ZNF516: variants seen among roughly 807,000 people sequenced by gnomAD.
ZNF516 encodes zinc finger protein 516.
ZNF516 carries 19 observed loss-of-function variants against 79.7 expected under a neutral mutation model. The ratio of observed to expected loss-of-function variants is 0.24; its 90% CI spans 0.17 to 0.35. The LOEUF is 0.35. ZNF516 is among the 10% of genes least tolerant of loss of function. The pLI is 1.00. For synonymous variants in ZNF516, 877 were observed against 739.5 expected (o/e 1.19, Z -3.02); for missense variants, 1,678 against 1,679.5 (o/e 1.00, Z 0.02).
At chr18:76,381,387 A>C (rs1028102636) in intron 3 of ZNF516, among the ~76,000 whole-genome samples, 3 of 152,116 alleles carry the variant, frequency 2.0e-5, no homozygotes, top group African/African-American at 2.4e-5. Flanking sequence ...ATTCTTCACC[A>C]CCCAGCCGCC....
At chr18:76,416,639 T>A (rs1249556159) in intron 3 of ZNF516, among the ~76,000 whole-genome samples, 1 of 152,222 alleles carries the variant, frequency 6.6e-6, no homozygotes. Context: ...CATCTCTGAA[T>A]AGTCAATGTG....
intron 3 of ZNF516, among the ~76,000 whole-genome samples, chr18:76,431,700 G>A (rs1259396354): frequency 6.6e-6 from 1 of 152,084 alleles, no homozygotes; most frequent in Non-Finnish European, 1.5e-5. Flanking sequence ...TCTCTCTCTT[G>A]CTCCCGCTCT....
intron 1 of ZNF516, among the ~76,000 whole-genome samples, chr18:76,480,550 T>C (rs892565455): frequency 2.1e-5 from 3 of 145,106 alleles, no homozygotes; most frequent in African/African-American, 7.7e-5. Flanking sequence ...TGAGACGGAG[T>C]CTTGCTCTGT....
intron 3 of ZNF516, among the ~76,000 whole-genome samples, chr18:76,422,062 A>C (rs774473184): frequency 6.6e-6 from 1 of 152,268 alleles, no homozygotes; most frequent in African/African-American, 2.4e-5. Flanking sequence ...TACATGAGCA[A>C]GTGAAGGTAA....
At chr18:76,388,291 CTGGT>C (rs2075021761) in intron 3 of ZNF516, 1 of 152,250 alleles carries the variant, frequency 6.6e-6, no homozygotes, top group South Asian at 2.1e-4. Context: ...CTCCACTGAG[CTGGT>C]TGAACACTTA....
Position 76,380,197 on chromosome 18 carries a change from G to A in ZNF516, c.1917C>T (p.Thr639=), listed in dbSNP as rs755032521. Residue 639 remains threonine (T), a synonymous_variant, in exon 4 of 7, where the codon ACC becomes ACT. Transcript: ENST00000443185. ...CTGCGATCCCTGCCTTGGACTCGCC[G>A]GTGTCTCTTTCCGAGGCGTTATCTC... ...KMGDNASERD[T]GESKAGIAAS... 5.3e-5 allele frequency: 85 copies of A among 1,613,808 alleles called. No homozygotes were observed. Among genetic ancestry groups the A allele is most frequent in the Middle Eastern group, 1.6e-4 (1 of 6,084 alleles).
intron 1 of ZNF516, among the ~76,000 whole-genome samples, chr18:76,463,420 G>A (rs560269848): frequency 2.0e-5 from 3 of 152,328 alleles, no homozygotes; most frequent in South Asian, 2.1e-4. Context: ...CCAGGACGCC[G>A]CCTAACTGTA....
intron 3 of ZNF516, among the ~76,000 whole-genome samples, chr18:76,418,186 T>C (rs974365098): frequency 2.6e-5 from 4 of 151,400 alleles, no homozygotes; most frequent in African/African-American, 9.8e-5. Flanking sequence ...CTGCAACACA[T>C]GCTATAACAC....
rs778326139 is a variant in ZNF516, at chr18:76,380,138, T to C, written c.1976A>G (p.Glu659Gly). 6.2e-7 allele frequency: 1 copy of C among 1,613,878 alleles called. No homozygotes were observed. The highest frequency in any genetic ancestry group is 2.2e-5 in the East Asian group (1 of 44,874). ...SVSILENSSR[E>G]TSRRQEQHRF... ...GTGCTGCTCTTGCCTTCTAGAAGTC[T>C]CTCTGCTACTGTTTTCAAGTATGGA... is the stretch of plus-strand genomic sequence containing the variant. Residue 659 changes from glutamate (E) to glycine (G), a missense_variant, in exon 4 of 7, where the codon GAG (glutamate) becomes GGG (glycine). Physicochemically the swap from Glu to Gly is moderately conservative, Grantham distance 98. Around this residue, in one of 5 missense-constraint regions of ZNF516, gnomAD observed 1,294 missense variants for 1,248.3 expected, o/e 1.04. Transcript: ENST00000443185.
intron 3 of ZNF516, among the ~76,000 whole-genome samples, chr18:76,414,433 A>T (rs897913590): frequency 6.6e-6 from 1 of 152,248 alleles, no homozygotes. Context: ...TCACAGAACA[A>T]ATGCCCTCTG....
rs1437210238 is a variant in ZNF516 at position 76,459,090 on chromosome 18, G to A, written c.-158+3938C>T. Among the ~76,000 whole-genome samples the A allele has an allele frequency of 1.3e-5, 2 of 152,226 alleles. No homozygotes were observed. The highest frequency in any genetic ancestry group is 2.9e-5 in the Non-Finnish European group (2 of 68,030). The stretch of plus-strand genomic sequence containing the variant: ...ACCCTACCTGGAGGCAAACACGCAT[G>A]TCCACTTCCAACAATCTACCAGCAA... On this transcript the variant is annotated intron_variant, in intron 2 of 6. Transcript: ENST00000443185. This position sits in a 1 kb window ranked among gnomAD's most constrained non-coding sequence, Gnocchi z 5.0.
At chr18:76,445,268 A>AC (rs1417253224) in intron 2 of ZNF516, among the ~76,000 whole-genome samples, 9 of 151,782 alleles carry the variant, frequency 5.9e-5, no homozygotes, top group Admixed American at 2.0e-4. Context: ...AAAAAAAAAA[A>AC]AACAACAACA....
chr18:76,489,586 C>CAAAA (rs5826461), intron 1 of ZNF516, among the ~76,000 whole-genome samples: 5 of 109,370 alleles, frequency 4.6e-5, no homozygotes, highest in South Asian at 2.9e-4. Context: ...CAACATCTTA[C>CAAAA]AAAAAAAAAA....
In ZNF516 at chr18:76,441,827, G is replaced by C; in HGVS notation, c.1228C>G (p.Leu410Val). 1 of 1,566,642 alleles carries C rather than the reference G, an allele frequency of 6.4e-7. No individual in the cohort carries two copies. Among genetic ancestry groups the C allele is most frequent in the South Asian group, 1.2e-5 (1 of 86,932 alleles). ...GCCTGGTAGCTGTTGACCGGGTCCA[G>C]CTCAGCCACCCGCCGTCCGGCCTGC... ...GTQAGRRVAE[L>V]DPVNSYQAWQ... Residue 410 changes from leucine to valine, a missense_variant, in exon 3 of 7, where the codon CTG (leucine) becomes GTG (valine). By Grantham distance (32) the Leu-to-Val change is conservative. This residue lies in a region of ZNF516 where 1,294 missense variants were observed against 1,248.3 expected (regional missense o/e 1.04). Coordinates refer to ENST00000443185, the MANE Select transcript of ZNF516 (RefSeq NM_014643.4).
chr18:76,374,167 G>A (rs1050440944), intron 4 of ZNF516, among the ~76,000 whole-genome samples: 2 of 152,194 alleles, frequency 1.3e-5, no homozygotes, highest in Non-Finnish European at 2.9e-5. Context: ...TGGTATAAAT[G>A]ACTTTTTTAG....
chr18:76,375,831 T>C (rs544248281), intron 4 of ZNF516, among the ~76,000 whole-genome samples: 87 of 135,514 alleles, frequency 6.4e-4, no homozygotes, highest in African/African-American at 2.5e-3. Flanking sequence ...GAAGACCAGG[T>C]AGAAGATGGA....
At chr18:76,490,853 G>A (rs1403119790) in intron 1 of ZNF516, 1 of 985,324 alleles carries the variant, frequency 1.0e-6, no homozygotes, top group African/African-American at 1.7e-5. Context: ...GGACACCCCT[G>A]GAAGGCCAGC....
rs899141592 is a variant in ZNF516 at position 76,359,667 on chromosome 18, G to A, written c.*2831C>T. On this transcript the variant is annotated 3_prime_UTR_variant, in exon 7 of 7. Transcript: ENST00000443185. Reference sequence around the variant, plus strand: ...AGGGGAGAGACACCGAGAAGCTGCAGTGTAGACAACCAAACCCTTTATTGT... The same window carrying A: ...AGGGGAGAGACACCGAGAAGCTGCAATGTAGACAACCAAACCCTTTATTGT... 4 of 152,132 alleles carry A rather than the reference G, an allele frequency of 2.6e-5. No individual in the cohort carries two copies. The highest frequency in any genetic ancestry group is 2.6e-4 in the Admixed American group (4 of 15,278). 9.4% of individuals were successfully genotyped at this position (152,132 alleles called of 1,614,324 possible).
intron 3 of ZNF516, among the ~76,000 whole-genome samples, chr18:76,405,471 G>C (rs1241542670): frequency 6.6e-6 from 1 of 152,192 alleles, no homozygotes; most frequent in Non-Finnish European, 1.5e-5. Flanking sequence ...CAGTGCATCA[G>C]CATGAAGCAG....
Sources: allele counts gnomAD v4.1 joint callset (sites outside exome capture counted in the v4.1 genomes callset), GRCh38; gene constraint gnomAD v4.1.1; regional missense constraint gnomAD v4.1.1; non-coding constraint Gnocchi (gnomAD v3.1); transcripts MANE v1.5; gene names NCBI Gene and HGNC (gene_info 2026-07-23, HGNC 2026-07-21).